Variants in PDS5B observed in about 807,000 individuals in gnomAD.
PDS5B encodes PDS5 cohesin associated factor B.
In PDS5B, 51 loss-of-function variants were observed where a neutral mutation model predicts 184.1. That is an observed-to-expected ratio of 0.28 (90% CI 0.22 to 0.35). The LOEUF (loss-of-function observed/expected upper bound fraction) is 0.35, where lower values mean the gene tolerates loss of function less well. PDS5B is among the 10% of genes least tolerant of loss of function. The pLI is 1.00. For synonymous variants in PDS5B, 566 were observed against 569.2 expected, an observed-to-expected ratio of 0.99 and a Z score of 0.08; for missense variants, 1,180 against 1,723.3, an observed-to-expected ratio of 0.68 and a Z score of 5.58.
intron 17 of PDS5B, among the ~76,000 whole-genome samples, chr13:32,702,537 A>G (rs1951891868): frequency 6.6e-6 from 1 of 152,180 alleles, no homozygotes; most frequent in African/African-American, 2.4e-5. Flanking sequence ...TAGTTCAGTA[A>G]GATTATTGCA....
rs565353553 is a variant in PDS5B, at chr13:32,742,741, A to G, written c.2612+14A>G. 27 of 1,606,600 alleles carry G rather than the reference A, an allele frequency of 1.7e-5. No individual in the cohort carries two copies. Among genetic ancestry groups the G allele is most frequent in the Middle Eastern group, 1.7e-4 (1 of 6,038 alleles). On this transcript the variant is annotated intron_variant, in intron 23 of 34. Coordinates refer to ENST00000315596, the MANE Select transcript of PDS5B (RefSeq NM_015032.4). ...GGGGAAAATTAGGTATGCAATTACTATTTCACAGTTCTTTGGATTGCATAA... is the reference window on the plus strand; with the variant it reads ...GGGGAAAATTAGGTATGCAATTACTGTTTCACAGTTCTTTGGATTGCATAA...
At chr13:32,675,369 G>A (rs559043978) in intron 8 of PDS5B, among the ~76,000 whole-genome samples, 1 of 152,276 alleles carries the variant, frequency 6.6e-6, no homozygotes, top group Non-Finnish European at 1.5e-5. Context: ...AATCTGGTCT[G>A]TGTAGATGAA....
At chr13:32,676,188 T>C (rs563578623) in intron 9 of PDS5B, among the ~76,000 whole-genome samples, 16 of 152,342 alleles carry the variant, frequency 1.1e-4, no homozygotes, top group South Asian at 1.0e-3. Context: ...CTATCTCTTA[T>C]GGTATTATGA....
chr13:32,681,924 G>T (rs1951258932), intron 10 of PDS5B, among the ~76,000 whole-genome samples: 2 of 152,072 alleles, frequency 1.3e-5, no homozygotes, highest in Non-Finnish European at 2.9e-5. Context: ...TGCCCTATTT[G>T]TAATATACAG....
intron 17 of PDS5B, among the ~76,000 whole-genome samples, chr13:32,702,887 A>G (rs1231175054): frequency 6.6e-6 from 1 of 152,168 alleles, no homozygotes; most frequent in African/African-American, 2.4e-5. Context: ...AGTAGAAGAG[A>G]TAGATTGCCA....
intron 1 of PDS5B, among the ~76,000 whole-genome samples, chr13:32,597,599 AGG>A (rs1257671734): frequency 2.2e-5 from 3 of 137,672 alleles, no homozygotes; most frequent in East Asian, 4.4e-4. Flanking sequence ...GCTGAGGCCG[AGG>A]GGGGGGCGGC....
chr13:32,776,660 T>C lies in PDS5B; in HGVS notation c.*1608T>C, dbSNP rs762584748. 1.3e-5 allele frequency: 2 copies of C among 152,452 alleles called. No individual in the cohort carries two copies. Among genetic ancestry groups the C allele is most frequent in the South Asian group, 2.1e-4 (1 of 4,834 alleles). The allele number at this position is 152,452 out of a possible 1,614,324, so 9.4% of individuals were successfully genotyped here. A position where few individuals can be genotyped will look rare whatever the true frequency, so the allele number is the denominator to read the frequency against. ...CATTGAATAGTGGAACATTTTCATA[T>C]GATACACCATTATGTTTAAGATATA... On this transcript the variant is annotated 3_prime_UTR_variant, in exon 35 of 35. Transcript: ENST00000315596.
At chr13:32,712,183 T>C (rs972969225) in intron 19 of PDS5B, among the ~76,000 whole-genome samples, 1 of 152,262 alleles carries the variant, frequency 6.6e-6, no homozygotes, top group Non-Finnish European at 1.5e-5. Context: ...TGGTTTGATA[T>C]ATTTGTAGAA....
chr13:32,602,299 C>CA (rs1483167710), intron 1 of PDS5B, among the ~76,000 whole-genome samples: 1 of 152,120 alleles, frequency 6.6e-6, no homozygotes, highest in Admixed American at 6.5e-5. Flanking sequence ...ACCCTGTGTC[C>CA]AAGTGTTCTC....
chr13:32,701,489 A>G (rs1297412227), intron 17 of PDS5B, 51 bp downstream of exon 17: 6 of 1,123,760 alleles, frequency 5.3e-6, no homozygotes, highest in Non-Finnish European at 6.6e-6. Flanking sequence ...TAATGTGTAC[A>G]TTCAGGAATC....
At chr13:32,721,452 C>T (rs1396845999) in intron 19 of PDS5B, among the ~76,000 whole-genome samples, 3 of 149,634 alleles carry the variant, frequency 2.0e-5, no homozygotes, top group Non-Finnish European at 4.4e-5. Context: ...TCAGATGGGG[C>T]GGCCGGGCAG....
chr13:32,665,835 A>C (rs931035839), intron 6 of PDS5B, among the ~76,000 whole-genome samples: 5 of 152,158 alleles, frequency 3.3e-5, no homozygotes, highest in African/African-American at 9.7e-5. Flanking sequence ...GCCATAAAAA[A>C]ATGAAATTCT....
intron 1 of PDS5B, among the ~76,000 whole-genome samples, chr13:32,600,235 T>G (rs904484738): frequency 3.3e-5 from 5 of 152,226 alleles, no homozygotes; most frequent in Non-Finnish European, 7.3e-5. Flanking sequence ...TTGTCTGTAT[T>G]AATGGACTTT....
chr13:32,607,936 C>T (rs897488857), intron 1 of PDS5B, among the ~76,000 whole-genome samples: 1 of 152,200 alleles, frequency 6.6e-6, no homozygotes, highest in African/African-American at 2.4e-5. Context: ...TGGGAGCGTC[C>T]TGATTTTCCA....
chr13:32,742,961 C>G lies in PDS5B; in HGVS notation c.2612+234C>G, dbSNP rs1267263805. Among the ~76,000 whole-genome samples the G allele has an allele frequency of 6.0e-5, 9 of 150,352 alleles. No individual in the cohort carries two copies. The Admixed American group carries it at 6.0e-4, about 10-fold the overall frequency. ...AAATATTTTAAACAATAGATTCTTACATTTTAGAATATCTCGTATGAAAGT... is the reference window on the plus strand; with the variant it reads ...AAATATTTTAAACAATAGATTCTTAGATTTTAGAATATCTCGTATGAAAGT... On this transcript the variant is annotated intron_variant, in intron 23 of 34. Transcript: ENST00000315596.
At chr13:32,728,613 C>T (rs1369654768) in intron 19 of PDS5B, among the ~76,000 whole-genome samples, 2 of 152,154 alleles carry the variant, frequency 1.3e-5, no homozygotes, top group African/African-American at 4.8e-5. Flanking sequence ...TCATCTTTAT[C>T]TCCCTCAACC....
At chr13:32,755,995 G>C (rs542798317) in intron 26 of PDS5B, 39 bp downstream of exon 26, 1 of 1,018,010 alleles carries the variant, frequency 9.8e-7, no homozygotes, top group South Asian at 1.4e-5. Context: ...TTTTCTGAAA[G>C]TTATTTTTTC....
intron 6 of PDS5B, among the ~76,000 whole-genome samples, chr13:32,660,732 C>T (rs1033224584): frequency 6.6e-6 from 1 of 152,154 alleles, no homozygotes; most frequent in African/African-American, 2.4e-5. Flanking sequence ...AACATTTTCT[C>T]CTTGGCCTTG....
chr13:32,713,577 T>C (rs1330582171), intron 19 of PDS5B, among the ~76,000 whole-genome samples: 1 of 152,106 alleles, frequency 6.6e-6, no homozygotes, highest in East Asian at 1.9e-4. Flanking sequence ...ATAAACAATG[T>C]GGAAGATGGA....
Sources: allele counts gnomAD v4.1 joint callset (sites outside exome capture counted in the v4.1 genomes callset), GRCh38; gene constraint gnomAD v4.1.1; transcripts MANE v1.5; gene names NCBI Gene and HGNC (gene_info 2026-07-23, HGNC 2026-07-21).